The following CFAP107 variants were observed in gnomAD, a reference collection of about 807,000 sequenced individuals.
CFAP107 encodes cilia and flagella associated protein 107.
chr1:12,747,925 A>G, the CFAP107 span, among the ~76,000 whole-genome samples: 6 of 152,350 alleles, frequency 3.9e-5, no homozygotes, highest in South Asian at 1.2e-3. Flanking sequence ...CTCATTCCCC[A>G]TGGAAACATT....
At chr1:12,749,803 A>G in the CFAP107 span, among the ~76,000 whole-genome samples, 1 of 152,326 alleles carries the variant, frequency 6.6e-6, no homozygotes, top group Non-Finnish European at 1.5e-5. Context: ...CAGATAAACA[A>G]AAGCTGAGGG....
At chr1:12,750,799 A>G in the CFAP107 span, among the ~76,000 whole-genome samples, 1 of 152,170 alleles carries the variant, frequency 6.6e-6, no homozygotes, top group East Asian at 1.9e-4. Flanking sequence ...CTATAGATCA[A>G]TTGGACCTGA....
the CFAP107 span, chr1:12,761,073 T>C: frequency 3.1e-6 from 3 of 958,496 alleles, no homozygotes; most frequent in Admixed American, 5.8e-5. Context: ...TCAAAGGTGC[T>C]CTCAGAATCA....
the CFAP107 span, chr1:12,746,677 C>A: frequency 3.1e-6 from 2 of 650,176 alleles, no homozygotes; most frequent in East Asian, 2.8e-5. Flanking sequence ...GGTCTCTGTG[C>A]TCTACAAAGG....
At chr1:12,763,359 A>G in the CFAP107 span, 1 of 152,266 alleles carries the variant, frequency 6.6e-6, no homozygotes, top group Admixed American at 6.5e-5. Context: ...GGATGTCATG[A>G]GAGCAACGGG....
the CFAP107 span, chr1:12,759,423 A>G: frequency 5.0e-6 from 8 of 1,613,728 alleles, no homozygotes; most frequent in Non-Finnish European, 6.8e-6. Flanking sequence ...GGCTGCCTCC[A>G]CTCCGCACTT....
the CFAP107 span, among the ~76,000 whole-genome samples, chr1:12,750,834 G>A: frequency 5.3e-5 from 8 of 151,742 alleles, no homozygotes; most frequent in African/African-American, 1.9e-4. Context: ...AACAAAGGCA[G>A]AATACGTGTG....
chr1:12,752,568 A>G, the CFAP107 span, among the ~76,000 whole-genome samples: 1 of 149,298 alleles, frequency 6.7e-6, no homozygotes, highest in Admixed American at 6.7e-5. Flanking sequence ...AAAAAAAAAA[A>G]AAAAAAAAAA....
the CFAP107 span, chr1:12,759,593 C>T: frequency 7.6e-6 from 10 of 1,323,052 alleles, no homozygotes; most frequent in Non-Finnish European, 9.7e-6. Flanking sequence ...GTGACCCTGG[C>T]TCCAGGAGAG....
the CFAP107 span, among the ~76,000 whole-genome samples, chr1:12,758,350 C>T: frequency 6.6e-6 from 1 of 152,214 alleles, no homozygotes; most frequent in African/African-American, 2.4e-5. Flanking sequence ...TCTCTACCTC[C>T]CATGCCACGA....
At chr1:12,756,063 A>G in the CFAP107 span, among the ~76,000 whole-genome samples, 1 of 152,242 alleles carries the variant, frequency 6.6e-6, no homozygotes, top group Non-Finnish European at 1.5e-5. Flanking sequence ...ACACTCTTCC[A>G]ACAGAATATA....
chr1:12,755,900 C>A, the CFAP107 span: 4 of 890,962 alleles, frequency 4.5e-6, no homozygotes, highest in Non-Finnish European at 7.2e-6. Context: ...AGGCTTAGTA[C>A]CGTCTTGGGG....
the CFAP107 span, chr1:12,753,492 G>GCTGT: frequency 1.3e-5 from 2 of 152,100 alleles, 1 homozygote; most frequent in South Asian, 4.2e-4. Flanking sequence ...CAGTAATCAA[G>GCTGT]ACAGTGTGAT....
At chr1:12,751,444 T>C in the CFAP107 span, among the ~76,000 whole-genome samples, 2 of 152,128 alleles carry the variant, frequency 1.3e-5, no homozygotes, top group African/African-American at 2.4e-5. Context: ...CTGGCCAACA[T>C]GGCGAAATCC....
chr1:12,750,930 A>T, the CFAP107 span, among the ~76,000 whole-genome samples: 13 of 152,326 alleles, frequency 8.5e-5, no homozygotes, highest in East Asian at 2.3e-3. Context: ...AATTATAAAG[A>T]TTAAAATCAT....
the CFAP107 span, chr1:12,760,879 G>A: frequency 1.2e-6 from 2 of 1,614,014 alleles, no homozygotes; most frequent in African/African-American, 1.3e-5. Context: ...GACCACCGTT[G>A]TGCGCTATGT....
At chr1:12,759,661 C>T in the CFAP107 span, 4 of 749,442 alleles carry the variant, frequency 5.3e-6, no homozygotes, top group African/African-American at 6.9e-5. Flanking sequence ...GCCTCCTGTC[C>T]TTTCCCTTTG....
chr1:12,754,810 G>A, the CFAP107 span, among the ~76,000 whole-genome samples: 3 of 152,344 alleles, frequency 2.0e-5, no homozygotes, highest in Admixed American at 2.0e-4. Flanking sequence ...TAACAGGCAA[G>A]TTCATACAGA....
chr1:12,746,459 C>T, the CFAP107 span: 2 of 1,613,622 alleles, frequency 1.2e-6, no homozygotes, highest in African/African-American at 1.3e-5. Context: ...AATCCACAGC[C>T]ACTCTCTACT....
Sources: allele counts gnomAD v4.1 joint callset (sites outside exome capture counted in the v4.1 genomes callset), GRCh38; gene constraint gnomAD v4.1.1; transcripts MANE v1.5; gene names NCBI Gene and HGNC (gene_info 2026-07-23, HGNC 2026-07-21).